The following THRB variants were observed in gnomAD, a reference collection of about 807,000 sequenced individuals.
The protein encoded by THRB is thyroid hormone receptor beta.
A neutral mutation model predicts 47.8 loss-of-function variants in THRB; 12 were observed. That is an observed-to-expected ratio of 0.25 (90% confidence interval 0.16 to 0.41). The LOEUF is 0.41. THRB is among the 10% of genes least tolerant of loss of function. The pLI, the probability that THRB is intolerant of heterozygous loss-of-function variation, is 1.00. For synonymous variants in THRB, 218 were observed against 212.2 expected, an observed-to-expected ratio of 1.03 and a Z score of -0.24; for missense variants, 348 against 589.2, an observed-to-expected ratio of 0.59 and a Z score of 4.24.
chr3:24,127,219 G>A (rs570233010), intron 10 of THRB, among the ~76,000 whole-genome samples: 34 of 152,304 alleles, frequency 2.2e-4, no homozygotes, highest in African/African-American at 7.2e-4. Flanking sequence ...CAAAGACTAC[G>A]AAGAGGGCTG....
At chr3:24,488,585 G>A (rs1250186999) in intron 1 of THRB, among the ~76,000 whole-genome samples, 3 of 150,438 alleles carry the variant, frequency 2.0e-5, no homozygotes, top group South Asian at 2.1e-4. Context: ...TCTAAATCAC[G>A]ATTGTCTCAG....
At chr3:24,462,126 A>T (rs562017822) in intron 1 of THRB, among the ~76,000 whole-genome samples, 1 of 152,128 alleles carries the variant, frequency 6.6e-6, no homozygotes, top group Admixed American at 6.5e-5. Flanking sequence ...TACTTTTGTC[A>T]TCAGAAAAAT....
chr3:24,405,220 T>C (rs550941273), intron 1 of THRB, among the ~76,000 whole-genome samples: 5 of 152,108 alleles, frequency 3.3e-5, no homozygotes, highest in South Asian at 4.1e-4. Flanking sequence ...ATCTGGAATA[T>C]AGGCAGCAAA....
At chr3:24,343,893 A>G (rs2062839455) in intron 1 of THRB, among the ~76,000 whole-genome samples, 1 of 147,876 alleles carries the variant, frequency 6.8e-6, no homozygotes, top group African/African-American at 2.5e-5. Context: ...TGTATTACAT[A>G]CTGATATATA....
rs545756825 is a variant in THRB at position 24,280,329 on chromosome 3, T to G, written c.-43+16897A>C. Among the ~76,000 whole-genome samples, 24 of 152,284 alleles carry G rather than the reference T, an allele frequency of 1.6e-4. No individual in the cohort carries two copies. The South Asian group carries it at 5.0e-3, about 32-fold the overall frequency. ...GAGGCACACCCCAGCAGGGACAGAC[T>G]GACACCTCACATGGCCAGGTACTCC... On this transcript the variant is annotated intron_variant, in intron 3 of 10. Coordinates refer to ENST00000646209, the MANE Select transcript of THRB (RefSeq NM_001354712.2).
chr3:24,352,658 A>G (rs2063427645), intron 1 of THRB, among the ~76,000 whole-genome samples: 1 of 152,174 alleles, frequency 6.6e-6, no homozygotes, highest in Non-Finnish European at 1.5e-5. Context: ...GCACAATGCA[A>G]GAATTCATCA....
intron 1 of THRB, among the ~76,000 whole-genome samples, chr3:24,472,452 T>G (rs1052455712): frequency 1.6e-4 from 24 of 152,160 alleles, no homozygotes; most frequent in Admixed American, 1.1e-3. Context: ...TGGCCACAAT[T>G]CCTTTTGTCC....
At chr3:24,404,997 T>C (rs114672519) in intron 1 of THRB, among the ~76,000 whole-genome samples, 1,771 of 152,088 alleles carry the variant, frequency 0.012, 36 homozygotes, top group African/African-American at 0.04. Flanking sequence ...AAGCAGACCT[T>C]GTGAATCCAA....
chr3:24,186,880 G>T (rs575435587), intron 5 of THRB, among the ~76,000 whole-genome samples: 2 of 145,840 alleles, frequency 1.4e-5, no homozygotes, highest in Non-Finnish European at 1.5e-5. Context: ...GGGAGGTAGA[G>T]GTTGCAGTGA....
At chr3:24,290,834 A>G (rs1470194159) in intron 3 of THRB, among the ~76,000 whole-genome samples, 1 of 152,200 alleles carries the variant, frequency 6.6e-6, no homozygotes, top group Non-Finnish European at 1.5e-5. Flanking sequence ...ATGCTCTGCC[A>G]GGCATGAAAT....
intron 1 of THRB, among the ~76,000 whole-genome samples, chr3:24,377,044 C>A (rs1450330503): frequency 2.0e-5 from 3 of 152,022 alleles, no homozygotes; most frequent in Non-Finnish European, 4.4e-5. Context: ...CTCAAGCAAT[C>A]CTCTCCCCTC....
intron 2 of THRB, among the ~76,000 whole-genome samples, chr3:24,323,752 A>G (rs1426279874): frequency 2.0e-5 from 3 of 152,242 alleles, no homozygotes; most frequent in African/African-American, 7.2e-5. Flanking sequence ...AAATTTATCT[A>G]AATAGGAGGA....
chr3:24,301,799 T>C (rs545651696), intron 2 of THRB, among the ~76,000 whole-genome samples: 15 of 152,294 alleles, frequency 9.8e-5, no homozygotes, highest in Middle Eastern at 3.4e-3. Flanking sequence ...GAGATGGGGA[T>C]ATTATTCTGG....
At chr3:24,210,513 C>A (rs760141470) in intron 4 of THRB, among the ~76,000 whole-genome samples, 1 of 151,870 alleles carries the variant, frequency 6.6e-6, no homozygotes, top group Admixed American at 6.6e-5. Flanking sequence ...AGTGGGTACA[C>A]GCCAGGGATG....
At chr3:24,209,070 AG>A (rs750066499) in intron 4 of THRB, among the ~76,000 whole-genome samples, 50 of 152,258 alleles carry the variant, frequency 3.3e-4, no homozygotes, top group Non-Finnish European at 6.3e-4. Flanking sequence ...TGCAGCCAAC[AG>A]GCACATGAAA....
chr3:24,198,070 T>C (rs912731688), intron 4 of THRB, among the ~76,000 whole-genome samples: 11 of 152,300 alleles, frequency 7.2e-5, no homozygotes, highest in Admixed American at 1.3e-4. Flanking sequence ...CCCAGTGCCT[T>C]TGAATCTACC....
chr3:24,183,368 C>CTTTTTTTTTTTTTTTTTTTT (rs1193344905), intron 5 of THRB, among the ~76,000 whole-genome samples: 2 of 84,272 alleles, frequency 2.4e-5, no homozygotes, highest in African/African-American at 8.3e-5. Flanking sequence ...TTTTTCTTTT[C>CTTTTTTTTTTTTTTTTTTTT]TTTTTTTTTT....
At chr3:24,476,811 C>G (rs1448712526) in intron 1 of THRB, among the ~76,000 whole-genome samples, 1 of 151,972 alleles carries the variant, frequency 6.6e-6, no homozygotes, top group Non-Finnish European at 1.5e-5. Context: ...AATTAAAATT[C>G]TTATTGTTAT....
chr3:24,220,453 C>T (rs4858108), intron 4 of THRB, among the ~76,000 whole-genome samples: 5,210 of 152,100 alleles, frequency 0.034, 288 homozygotes, highest in African/African-American at 0.12. Flanking sequence ...ATCATTCCAC[C>T]GCACTCCAGC....
Sources: allele counts gnomAD v4.1 joint callset (sites outside exome capture counted in the v4.1 genomes callset), GRCh38; gene constraint gnomAD v4.1.1; transcripts MANE v1.5; gene names NCBI Gene and HGNC (gene_info 2026-07-23, HGNC 2026-07-21).